Variants in MYT1L observed in about 807,000 individuals in gnomAD.
MYT1L encodes the protein myelin transcription factor 1 like.
In MYT1L, 12 loss-of-function variants were observed where a neutral mutation model predicts 126.7. That is an observed-to-expected ratio of 0.09 (90% confidence interval 0.06 to 0.15). The LOEUF (loss-of-function observed/expected upper bound fraction) is 0.15. Ranked by LOEUF, MYT1L falls within the 10% of genes least tolerant of loss-of-function variation. The pLI, the probability that MYT1L is intolerant of heterozygous loss-of-function variation, is 1.00. For missense variants in MYT1L, 979 were observed against 1,585.2 expected (o/e 0.62, Z 6.49); for synonymous variants, 541 against 604.2 (o/e 0.90, Z 1.53).
At position 2,161,054 on chromosome 2, in the gene MYT1L, T is replaced by TA. The variant is rs1009088821; in HGVS notation, c.-304+11817dup. On this transcript the variant is annotated intron_variant, in intron 3 of 24. Transcript: ENST00000647738. ...CAACGTGGTGAAACCCCATCTCTAC[T>TA]AAAAAAAAATACAAAAACTAGCCAG... Among the ~76,000 whole-genome samples the TA allele has an allele frequency of 2.0e-4, 30 of 150,624 alleles. 1 individual carries two copies. Among genetic ancestry groups the TA allele is most frequent in the Admixed American group, 1.4e-3 (21 of 15,098 alleles).
chr2:1,955,279 T>C (rs775503249), intron 8 of MYT1L, among the ~76,000 whole-genome samples: 2 of 152,160 alleles, frequency 1.3e-5, no homozygotes, highest in Non-Finnish European at 2.9e-5. Context: ...CTTGATGTGG[T>C]TGGTAAGAAA....
intron 8 of MYT1L, among the ~76,000 whole-genome samples, chr2:1,956,883 G>T (rs903001207): frequency 6.6e-6 from 1 of 152,136 alleles, no homozygotes; most frequent in Non-Finnish European, 1.5e-5. Context: ...TTACAGGAAA[G>T]GTGTCTTGAG....
At chr2:2,225,463 C>T (rs184099753) in intron 2 of MYT1L, among the ~76,000 whole-genome samples, 1 of 152,340 alleles carries the variant, frequency 6.6e-6, no homozygotes, top group Admixed American at 6.5e-5. Context: ...CTAAATTCCA[C>T]CCAGGTGACC....
At chr2:2,007,248 T>G (rs2063420545) in intron 4 of MYT1L, among the ~76,000 whole-genome samples, 1 of 152,156 alleles carries the variant, frequency 6.6e-6, no homozygotes, top group Admixed American at 6.6e-5. Flanking sequence ...GTACTGTTTT[T>G]CATAATGGCT....
chr2:2,238,449 C>T (rs999756543), intron 2 of MYT1L, among the ~76,000 whole-genome samples: 3 of 152,168 alleles, frequency 2.0e-5, no homozygotes, highest in African/African-American at 7.2e-5. Context: ...AATAAGGCTT[C>T]AGTAAATATG....
chr2:1,875,480 T>G (rs926890084), intron 18 of MYT1L, among the ~76,000 whole-genome samples: 1 of 152,274 alleles, frequency 6.6e-6, no homozygotes, highest in East Asian at 1.9e-4. Flanking sequence ...CCTTACGCTC[T>G]CTTCAAGCCT....
intron 8 of MYT1L, among the ~76,000 whole-genome samples, chr2:1,949,824 C>T (rs2057580522): frequency 6.6e-6 from 1 of 152,166 alleles, no homozygotes. Flanking sequence ...GACCAGTCGG[C>T]TCAGAGGCCT....
chr2:2,016,471 C>T (rs1039680071), intron 4 of MYT1L, among the ~76,000 whole-genome samples: 9 of 152,190 alleles, frequency 5.9e-5, no homozygotes, highest in East Asian at 1.9e-4. Flanking sequence ...TTCTCACAGC[C>T]GCCATGGCAC....
At chr2:2,254,080 C>T (rs1415002536) in intron 2 of MYT1L, among the ~76,000 whole-genome samples, 1 of 152,094 alleles carries the variant, frequency 6.6e-6, no homozygotes, top group Non-Finnish European at 1.5e-5. Context: ...GCACCGTGGC[C>T]GTGGCGTTAC....
intron 4 of MYT1L, among the ~76,000 whole-genome samples, chr2:2,023,517 T>TA (rs2149845548): frequency 6.6e-6 from 1 of 152,234 alleles, no homozygotes; most frequent in Admixed American, 6.5e-5. Context: ...TAGTGCCTAA[T>TA]ATCCAGTGGG....
chr2:2,104,009 T>C (rs2078435372), intron 3 of MYT1L, among the ~76,000 whole-genome samples: 1 of 152,222 alleles, frequency 6.6e-6, no homozygotes. Flanking sequence ...TCAGGGGCTC[T>C]CAGTAGCATT....
chr2:2,109,662 GAC>G (rs1377718571), intron 3 of MYT1L, among the ~76,000 whole-genome samples: 1 of 151,798 alleles, frequency 6.6e-6, no homozygotes. Context: ...AGTGGAGAGA[GAC>G]TAAGAAAGTA....
At chr2:1,826,740 G>A (rs1341794846) in intron 21 of MYT1L, among the ~76,000 whole-genome samples, 4 of 152,080 alleles carry the variant, frequency 2.6e-5, no homozygotes, top group Non-Finnish European at 5.9e-5. Flanking sequence ...CTGAGGCAGA[G>A]CAGGGAGCTG....
At chr2:2,321,803 C>T (rs917553994) in intron 1 of MYT1L, among the ~76,000 whole-genome samples, 14 of 152,060 alleles carry the variant, frequency 9.2e-5, no homozygotes, top group Admixed American at 2.6e-4. Flanking sequence ...AGCAAGTGCC[C>T]GATATCCTTG....
Position 2,312,802 on chromosome 2 carries a change from CA to C in MYT1L, c.-521+18164del, listed in dbSNP as rs368402422. On this transcript the variant is annotated intron_variant, in intron 1 of 24. Transcript: ENST00000647738. ...ATTGCTGCATCAAGGACATTTCACT[CA>C]AAAGAGGTGGTAGAAGACTATTGTA... is the stretch of plus-strand genomic sequence containing the variant. 4.1e-3 allele frequency among the ~76,000 whole-genome samples: 618 copies of C among 152,012 alleles called. 3 individuals carry two copies. Among genetic ancestry groups the C allele is most frequent in the African/African-American group, 0.014 (596 of 41,444 alleles).
At chr2:2,132,561 C>A (rs111528461) in intron 3 of MYT1L, among the ~76,000 whole-genome samples, 2 of 123,082 alleles carry the variant, frequency 1.6e-5, no homozygotes, top group African/African-American at 3.1e-5. Flanking sequence ...ACATCACACA[C>A]TGGGGCCTGT....
intron 2 of MYT1L, among the ~76,000 whole-genome samples, chr2:2,258,076 A>C (rs1451540235): frequency 5.6e-4 from 44 of 78,476 alleles, no homozygotes; most frequent in Non-Finnish European, 8.1e-4. Flanking sequence ...CAGAGCCCTC[A>C]GAAATAATGC....
intron 2 of MYT1L, among the ~76,000 whole-genome samples, chr2:2,195,511 A>G (rs1207224227): frequency 1.3e-5 from 2 of 152,162 alleles, no homozygotes; most frequent in East Asian, 1.9e-4. Context: ...TAAGGCTACA[A>G]TCTTTCATCT....
chr2:2,051,649 A>C (rs989317221), intron 4 of MYT1L, among the ~76,000 whole-genome samples: 5 of 152,254 alleles, frequency 3.3e-5, no homozygotes, highest in Non-Finnish European at 7.3e-5. Flanking sequence ...TTAAGAAACT[A>C]AACAGACACA....
Sources: allele counts gnomAD v4.1 joint callset (sites outside exome capture counted in the v4.1 genomes callset), GRCh38; gene constraint gnomAD v4.1.1; transcripts MANE v1.5; gene names NCBI Gene and HGNC (gene_info 2026-07-23, HGNC 2026-07-21).